PUM2: variants seen among roughly 807,000 people sequenced by gnomAD.
PUM2 encodes pumilio RNA binding family member 2, also known as pumilio homolog 2.
PUM2 carries 57 observed loss-of-function variants against 124.5 expected under a neutral mutation model. The observed-to-expected ratio is 0.46, with a 90% CI of 0.37 to 0.57. The LOEUF is 0.57. Ranked by LOEUF, PUM2 falls within the 20% of genes least tolerant of loss-of-function variation. The pLI is 0.00. For missense variants in PUM2, 1,065 were observed against 1,290.6 expected, an observed-to-expected ratio of 0.83 and a Z score of 2.68; for synonymous variants, 460 against 446.1, an observed-to-expected ratio of 1.03 and a Z score of -0.39.
chr2:20,323,908 CAAAAAAAAAAAAAAAA>C (rs397984008), intron 2 of PUM2, among the ~76,000 whole-genome samples: 7 of 58,426 alleles, frequency 1.2e-4, no homozygotes, highest in South Asian at 1.7e-3. Flanking sequence ...TACGGACTAG[CAAAAAAAAAAAAAAAA>C]AAAAAAAAAA....
chr2:20,332,322 T>TGTGTGTGTGTGTGTGTGTGTGTG (rs3222066), intron 1 of PUM2, among the ~76,000 whole-genome samples: 2 of 149,820 alleles, frequency 1.3e-5, no homozygotes, highest in African/African-American at 2.5e-5. Context: ...TGTGTGTGTG[T>TGTGTGTGTGTGTGTGTGTGTGTG]TTAAACGAAT....
At chr2:20,335,658 A>G (rs1334428371) in intron 1 of PUM2, among the ~76,000 whole-genome samples, 2 of 152,234 alleles carry the variant, frequency 1.3e-5, no homozygotes, top group Non-Finnish European at 2.9e-5. Context: ...AAGGCAAAAA[A>G]GCTCTATAAC....
chr2:20,347,423 A>G (rs1688457628), intron 1 of PUM2, among the ~76,000 whole-genome samples: 1 of 152,246 alleles, frequency 6.6e-6, no homozygotes, highest in African/African-American at 2.4e-5. Flanking sequence ...ATAATGCTAC[A>G]TGAAACTCAA....
At chr2:20,337,326 T>TAAAA in intron 1 of PUM2, among the ~76,000 whole-genome samples, 1 of 152,324 alleles carries the variant, frequency 6.6e-6, no homozygotes, top group South Asian at 2.1e-4. Context: ...TTTTTGTAAG[T>TAAAA]CCTCATCAGT....
At chr2:20,350,970 G>A (rs756799475), upstream of PUM2, 91 of 171,770 alleles carry the variant, frequency 5.3e-4, no homozygotes, top group Non-Finnish European at 7.9e-4. Context: ...CGGGCCGGGG[G>A]CGCCCTGCGC....
intron 16 of PUM2, 108 bp from the exon 17 acceptor site, chr2:20,256,278 T>C (rs1664739722): frequency 2.9e-6 from 3 of 1,045,702 alleles, no homozygotes; most frequent in Non-Finnish European, 3.9e-6. Flanking sequence ...AGTATATTTA[T>C]CTCAGTATTA....
chr2:20,276,006 ATT>A lies in PUM2; in HGVS notation c.1957+2575_1957+2576del, dbSNP rs534864513. ...TTAAAATGTATGATATACTGTAGTT[ATT>A]GTTTTGAAATAGAACCTCAGATATT... On this transcript the variant is annotated intron_variant, in intron 13 of 20. Coordinates refer to ENST00000361078, the MANE Select transcript of PUM2 (RefSeq NM_015317.5). 5.7e-4 allele frequency among the ~76,000 whole-genome samples: 86 copies of A among 150,674 alleles called. 1 individual carries two copies. Among genetic ancestry groups the A allele is most frequent in the Admixed American group, 4.6e-3 (70 of 15,262 alleles).
At chr2:20,277,712 C>T (rs1451933734) in intron 13 of PUM2, among the ~76,000 whole-genome samples, 1 of 152,042 alleles carries the variant, frequency 6.6e-6, no homozygotes, top group Non-Finnish European at 1.5e-5. Flanking sequence ...ACAGTAGCAA[C>T]ATTACTTTTT....
chr2:20,309,852 T>C (rs1679215400), intron 5 of PUM2, among the ~76,000 whole-genome samples: 2 of 152,148 alleles, frequency 1.3e-5, no homozygotes, highest in Non-Finnish European at 2.9e-5. Context: ...TGTAGATATG[T>C]AAGCAAACTT....
rs374282680 is a variant in PUM2 at position 20,258,112 on chromosome 2, TAAC to T, written c.2484+128_2484+130del. On this transcript the variant is annotated intron_variant, in intron 16 of 20. Transcript: ENST00000361078. The stretch of plus-strand genomic sequence containing the variant: ...TAGTAGTGTGCTATTTAGGACACAG[TAAC>T]AACATTTTAGTCTAGTTGTGGAAAT... 1,665 of 816,632 alleles carry T rather than the reference TAAC, an allele frequency of 2.0e-3. 15 individuals are homozygous for T. In the African/African-American group the frequency reaches 0.026, roughly 13 times the overall value. The allele number at this position is 816,632 out of a possible 1,614,324, so 50.6% of individuals were successfully genotyped here.
chr2:20,348,716 G>A (rs556907173), intron 1 of PUM2, among the ~76,000 whole-genome samples: 1 of 152,232 alleles, frequency 6.6e-6, no homozygotes, highest in Non-Finnish European at 1.5e-5. Flanking sequence ...GATCGCTTGA[G>A]ATCGGAGTTC....
At chr2:20,255,113 C>T in intron 18 of PUM2, 103 bp downstream of exon 18, 1 of 1,465,308 alleles carries the variant, frequency 6.8e-7, no homozygotes, top group Non-Finnish European at 9.3e-7. Flanking sequence ...CCTTTTGTCT[C>T]ACTCTTGTCT....
Position 20,350,733 on chromosome 2 carries a change from C to A in PUM2, c.-155G>T, listed in dbSNP as rs1368788168. 2 of 961,344 alleles carry A rather than the reference C, an allele frequency of 2.1e-6. No homozygotes were observed. Among genetic ancestry groups the A allele is most frequent in the African/African-American group, 1.8e-5 (1 of 54,696 alleles). The allele number at this position is 961,344 out of a possible 1,614,324, so 59.6% of individuals were successfully genotyped here. On this transcript the variant is annotated 5_prime_UTR_variant, in exon 1 of 21. Transcript: ENST00000361078. ...CTTTCTCCACCTACCACCCTCCCCC[C>A]CCACCCCACCTCCTCCTTCTCCTCC...
intron 3 of PUM2, among the ~76,000 whole-genome samples, chr2:20,317,631 T>C (rs1408955290): frequency 6.6e-6 from 1 of 152,096 alleles, no homozygotes. Flanking sequence ...AGGGGTTTGG[T>C]GTACAGATTA....
intron 13 of PUM2, among the ~76,000 whole-genome samples, chr2:20,266,217 C>T (rs1483117562): frequency 3.3e-5 from 5 of 152,072 alleles, no homozygotes; most frequent in Admixed American, 2.6e-4. Context: ...CTGAGGAAGG[C>T]ACATAGCTCG....
chr2:20,314,694 TCAG>T (rs779482828), intron 3 of PUM2, among the ~76,000 whole-genome samples: 38 of 152,342 alleles, frequency 2.5e-4, no homozygotes, highest in Admixed American at 7.8e-4. Context: ...CATTTCCATT[TCAG>T]TATGTGCATC....
intron 1 of PUM2, among the ~76,000 whole-genome samples, chr2:20,333,941 TCTCTTC>T (rs1173572321): frequency 6.6e-6 from 1 of 152,084 alleles, no homozygotes; most frequent in Non-Finnish European, 1.5e-5. Context: ...CACCTTCCCC[TCTCTTC>T]CTCCTGCTAC....
chr2:20,336,759 TGTGTGTGTGTGTG>T (rs1686175962), intron 1 of PUM2, among the ~76,000 whole-genome samples: 15 of 28,552 alleles, frequency 5.3e-4, no homozygotes, highest in Admixed American at 5.2e-3. Context: ...TGTGTGTGTG[TGTGTGTGTGTGTG>T]TGTGTGTGTG....
Position 20,278,663 on chromosome 2 carries a change from AGAGGCATGCCTATTG to A in PUM2, c.1862_1876del (p.Pro621_Pro625del). 1 of 1,613,490 alleles carries A rather than the reference AGAGGCATGCCTATTG, an allele frequency of 6.2e-7. No individual in the cohort carries two copies. Among genetic ancestry groups the A allele is most frequent in the South Asian group, 1.1e-5 (1 of 91,066 alleles). The stretch of plus-strand genomic sequence containing the variant: ...TGAATGTCCTGGAGTTTGGCTTGGC[AGAGGCATGCCTATTG>A]GACTTGGAGAGGAGGAAAATCCCAG... On this transcript the variant is annotated inframe_deletion, in exon 13 of 21. Transcript: ENST00000361078.
Sources: allele counts gnomAD v4.1 joint callset (sites outside exome capture counted in the v4.1 genomes callset), GRCh38; gene constraint gnomAD v4.1.1; transcripts MANE v1.5; gene names NCBI Gene and HGNC (gene_info 2026-07-23, HGNC 2026-07-21).